MYO3A: variants seen among roughly 807,000 people sequenced by gnomAD.
MYO3A encodes the protein myosin IIIA.
Under a neutral mutation model 192.7 loss-of-function variants are expected in MYO3A, and 180 were observed. The ratio of observed to expected loss-of-function variants is 0.93; its 90% CI spans 0.83 to 1.06. The LOEUF is 1.06. MYO3A is among the 50% of genes least tolerant of loss of function. MYO3A has a pLI of 0.00. For missense variants in MYO3A, 1,896 were observed against 1,905.0 expected (o/e 1.00, Z 0.09); for synonymous variants, 628 against 645.3 (o/e 0.97, Z 0.41).
chr10:26,159,222 C>T (rs1252068098), intron 26 of MYO3A, among the ~76,000 whole-genome samples: 1 of 151,366 alleles, frequency 6.6e-6, no homozygotes, highest in East Asian at 2.0e-4. Context: ...CATCTCCTGA[C>T]CTCGTGATCC....
At chr10:26,134,812 A>G (rs1839753275) in intron 20 of MYO3A, among the ~76,000 whole-genome samples, 1 of 152,176 alleles carries the variant, frequency 6.6e-6, no homozygotes, top group Non-Finnish European at 1.5e-5. Context: ...AATGGTTAGA[A>G]TAAGCAACTT....
At position 25,952,156 on chromosome 10, in the gene MYO3A, G is replaced by C; in HGVS notation, c.46G>C (p.Asp16His). The stretch of plus-strand genomic sequence containing the variant: ...AACAATCATCTTTGATAACTTTCCT[G>C]ATCCTTCTGATACATGGGAAATCAC... ...GKTIIFDNFPDPSDTWEITET... is the reference protein window; with the variant it reads ...GKTIIFDNFPHPSDTWEITET... The change falls in exon 3 of 35, where the codon GAT (aspartate) becomes CAT (histidine). Residue 16 changes from aspartate to histidine, a missense_variant. Coordinates refer to ENST00000642920, the MANE Select transcript of MYO3A (RefSeq NM_017433.5). 6.2e-7 allele frequency: 1 copy of C among 1,612,268 alleles called. No individual in the cohort carries two copies. The highest frequency in any genetic ancestry group is 8.5e-7 in the Non-Finnish European group (1 of 1,178,818).
chr10:26,143,388 G>A, intron 20 of MYO3A, 60 bp from the exon 21 acceptor site: 1 of 1,508,232 alleles, frequency 6.6e-7, no homozygotes, highest in African/African-American at 1.4e-5. Context: ...TAAAATTTTA[G>A]GTAATTACTA....
Position 26,212,339 on chromosome 10 carries a change from CTG to C in MYO3A, c.*377_*378del. Reference sequence around the variant, plus strand: ...CCAACCCCTCTCTCATTTGGGGTGACTGAATTCACAGATTTTTTTTTTTATTG... The same window carrying C: ...CCAACCCCTCTCTCATTTGGGGTGACAATTCACAGATTTTTTTTTTTATTG... On this transcript the variant is annotated 3_prime_UTR_variant, in exon 35 of 35. Coordinates refer to ENST00000642920, the MANE Select transcript of MYO3A (RefSeq NM_017433.5). The C allele has an allele frequency of 2.6e-6, 1 of 377,418 alleles. No homozygotes were observed. Among genetic ancestry groups the C allele is most frequent in the Non-Finnish European group, 4.6e-6 (1 of 218,306 alleles). 23.4% of individuals were successfully genotyped at this position (377,418 alleles called of 1,614,324 possible). A position where few individuals can be genotyped will look rare whatever the true frequency, so the allele number is the denominator to read the frequency against.
intron 4 of MYO3A, among the ~76,000 whole-genome samples, chr10:25,976,380 T>C (rs1838965344): frequency 6.6e-6 from 1 of 152,072 alleles, no homozygotes; most frequent in African/African-American, 2.4e-5. Flanking sequence ...CAGAATATAG[T>C]CAGACTAAGC....
At chr10:26,183,940 TA>T (rs1842740399) in intron 31 of MYO3A, among the ~76,000 whole-genome samples, 2 of 152,090 alleles carry the variant, frequency 1.3e-5, no homozygotes, top group African/African-American at 4.8e-5. Context: ...GCATGAGAAT[TA>T]AGGGTACGAA....
At chr10:26,162,506 A>G (rs1489712759) in intron 26 of MYO3A, among the ~76,000 whole-genome samples, 1 of 152,208 alleles carries the variant, frequency 6.6e-6, no homozygotes, top group East Asian at 1.9e-4. Context: ...GTGAAGCAAG[A>G]TATTAAAAAT....
At chr10:26,075,631 CT>C (rs1270620878) in intron 14 of MYO3A, among the ~76,000 whole-genome samples, 4 of 144,732 alleles carry the variant, frequency 2.8e-5, no homozygotes, top group Admixed American at 1.4e-4. Context: ...ATATATATGT[CT>C]CTCATATATG....
chr10:26,104,203 T>A (rs1837649541), intron 17 of MYO3A, among the ~76,000 whole-genome samples: 1 of 152,192 alleles, frequency 6.6e-6, no homozygotes, highest in South Asian at 2.1e-4. Context: ...TGTATGAAGT[T>A]CAGTTTATCT....
At chr10:26,086,686 A>G (rs1003852888) in intron 14 of MYO3A, among the ~76,000 whole-genome samples, 1 of 152,020 alleles carries the variant, frequency 6.6e-6, no homozygotes, top group African/African-American at 2.4e-5. Context: ...CCCCTTGCCC[A>G]TCAACCACCC....
At chr10:26,197,111 A>G (rs1004972218) in intron 32 of MYO3A, among the ~76,000 whole-genome samples, 3 of 152,248 alleles carry the variant, frequency 2.0e-5, no homozygotes, top group Non-Finnish European at 2.9e-5. Flanking sequence ...ACCGAGTATT[A>G]CCAAGGAAGA....
chr10:26,048,915 C>T (rs1843794214), intron 10 of MYO3A, among the ~76,000 whole-genome samples: 1 of 152,088 alleles, frequency 6.6e-6, no homozygotes, highest in Non-Finnish European at 1.5e-5. Context: ...AGGCCCAGGA[C>T]AGAGCTCTGG....
At chr10:26,036,417 A>G (rs1198129096) in intron 10 of MYO3A, among the ~76,000 whole-genome samples, 2 of 152,068 alleles carry the variant, frequency 1.3e-5, no homozygotes. Flanking sequence ...TTTCTTTTGG[A>G]AAGAGTCTCT....
chr10:25,998,736 G>A (rs1165693627), intron 6 of MYO3A, among the ~76,000 whole-genome samples: 1 of 152,006 alleles, frequency 6.6e-6, no homozygotes, highest in Non-Finnish European at 1.5e-5. Flanking sequence ...ATTGAAAATT[G>A]TTAAAACAAG....
intron 20 of MYO3A, among the ~76,000 whole-genome samples, chr10:26,131,802 T>C (rs1437382584): frequency 6.6e-6 from 1 of 152,202 alleles, no homozygotes; most frequent in Non-Finnish European, 1.5e-5. Context: ...ACTATTTGTA[T>C]CTCAATAGTT....
intron 9 of MYO3A, among the ~76,000 whole-genome samples, chr10:26,025,919 TAGAA>T (rs1842517675): frequency 1.3e-5 from 2 of 152,298 alleles, no homozygotes; most frequent in East Asian, 3.9e-4. Flanking sequence ...TTTTATCACA[TAGAA>T]AGAAACAGAT....
Position 26,212,142 on chromosome 10 carries a change from A to G in MYO3A, c.*179A>G. The G allele has an allele frequency of 1.0e-6, 1 of 953,406 alleles. No individual in the cohort carries two copies. Among genetic ancestry groups the G allele is most frequent in the Non-Finnish European group, 1.5e-6 (1 of 669,826 alleles). 59.1% of individuals were successfully genotyped at this position (953,406 alleles called of 1,614,324 possible). On this transcript the variant is annotated 3_prime_UTR_variant, in exon 35 of 35. Coordinates refer to ENST00000642920, the MANE Select transcript of MYO3A (RefSeq NM_017433.5). ...CGGGCCGGCCTTCGTGCTCCGAAAC[A>G]AGAGACCTGGGAGCCCTCGGGAAAC...
At chr10:26,097,041 T>C (rs923452568) in intron 17 of MYO3A, among the ~76,000 whole-genome samples, 7 of 151,888 alleles carry the variant, frequency 4.6e-5, no homozygotes, top group African/African-American at 1.7e-4. Context: ...ATAATTTCCA[T>C]ACAATATAAT....
At chr10:26,192,122 G>A (rs945036220) in intron 31 of MYO3A, among the ~76,000 whole-genome samples, 1 of 152,176 alleles carries the variant, frequency 6.6e-6, no homozygotes, top group Non-Finnish European at 1.5e-5. Context: ...AGGTCTATTA[G>A]CTCTGTAAAT....
Sources: gnomAD v4.1 joint callset for allele counts (sites outside exome capture counted in the v4.1 genomes callset) on GRCh38, gnomAD v4.1.1 for gene constraint, MANE v1.5 for transcripts, NCBI Gene and HGNC (gene_info 2026-07-23, HGNC 2026-07-21) for gene names.